Variants in ABCA13 observed in about 807,000 individuals in gnomAD.
ABCA13 encodes ATP binding cassette subfamily A member 13, also known as ATP-binding cassette sub-family A member 13.
A neutral mutation model predicts 478.7 loss-of-function variants in ABCA13; 476 were observed. The ratio of observed to expected loss-of-function variants is 0.99; its 90% confidence interval spans 0.92 to 1.07. The LOEUF (loss-of-function observed/expected upper bound fraction) is 1.07. Among genes scored for constraint, ABCA13 ranks in the 50% least tolerant of loss-of-function variants. The pLI is 0.00. For missense variants in ABCA13, 6,060 were observed against 5,910.6 expected, an observed-to-expected ratio of 1.03 and a Z score of -0.83; for synonymous variants, 2,252 against 2,158.9, an observed-to-expected ratio of 1.04 and a Z score of -1.20.
At position 48,271,968 on chromosome 7, in the gene ABCA13, C is replaced by T; in HGVS notation, c.2302C>T (p.Leu768=). Residue 768 remains leucine, a synonymous_variant, in exon 17 of 62, where the codon CTG becomes TTG. Transcript: ENST00000435803. ...CCTCCCATCTCTCACAGAGGATATTCTGAATATAAGTTCTCTGTGGACAAA... is the reference window on the plus strand; with the variant it reads ...CCTCCCATCTCTCACAGAGGATATTTTGAATATAAGTTCTCTGTGGACAAA... The part of the protein sequence containing the change: ...HSLPSLTEDI[L]NISSLWTNHL... 3 of 1,613,542 alleles carry T rather than the reference C, an allele frequency of 1.9e-6. 1 individual carries two copies. The South Asian group carries it at 3.3e-5, about 18-fold the overall frequency.
At chr7:48,257,882 A>G (rs1321731005) in intron 15 of ABCA13, among the ~76,000 whole-genome samples, 2 of 152,106 alleles carry the variant, frequency 1.3e-5, no homozygotes, top group Admixed American at 6.6e-5. Context: ...TAGGGATGGT[A>G]TCAGTTCTTC....
At chr7:48,356,876 C>T (rs1279469995) in intron 31 of ABCA13, among the ~76,000 whole-genome samples, 2 of 151,954 alleles carry the variant, frequency 1.3e-5, no homozygotes. Context: ...AAAGAATAAG[C>T]CAACTTAATA....
intron 38 of ABCA13, among the ~76,000 whole-genome samples, chr7:48,403,000 G>C (rs1324640280): frequency 6.6e-6 from 1 of 152,228 alleles, no homozygotes; most frequent in Non-Finnish European, 1.5e-5. Flanking sequence ...GGCCACAGTG[G>C]TGAGGGAAGT....
intron 5 of ABCA13, among the ~76,000 whole-genome samples, chr7:48,223,182 A>C (rs1787623812): frequency 6.6e-6 from 1 of 152,080 alleles, no homozygotes; most frequent in African/African-American, 2.4e-5. Flanking sequence ...GGTTTTTCTG[A>C]GGGGAGAGGA....
At chr7:48,235,569 A>T (rs544639523) in intron 8 of ABCA13, among the ~76,000 whole-genome samples, 1 of 152,230 alleles carries the variant, frequency 6.6e-6, no homozygotes, top group Non-Finnish European at 1.5e-5. Context: ...ATTTTCTTTT[A>T]TCATAGTGTT....
chr7:48,215,925 G>T (rs529495455), intron 3 of ABCA13, among the ~76,000 whole-genome samples: 3 of 152,112 alleles, frequency 2.0e-5, no homozygotes, highest in African/African-American at 7.2e-5. Context: ...CATTCATGTT[G>T]TAGCATCTAA....
intron 10 of ABCA13, among the ~76,000 whole-genome samples, chr7:48,242,499 G>A (rs1402253932): frequency 5.9e-5 from 9 of 151,956 alleles, no homozygotes; most frequent in East Asian, 1.9e-4. Flanking sequence ...GTGCAATGGC[G>A]CGATCTTGGC....
chr7:48,389,509 A>G (rs1050239055), intron 37 of ABCA13, among the ~76,000 whole-genome samples: 1 of 152,198 alleles, frequency 6.6e-6, no homozygotes, highest in Non-Finnish European at 1.5e-5. Context: ...ATAATTTACC[A>G]TGTTGTACTT....
In ABCA13 at chr7:48,481,055, C is replaced by A; in HGVS notation, c.12995C>A (p.Ala4332Asp). 1.3e-6 allele frequency: 2 copies of A among 1,597,456 alleles called. No homozygotes were observed. Among genetic ancestry groups the A allele is most frequent in the South Asian group, 1.1e-5 (1 of 87,472 alleles). The change falls in exon 46 of 62, where the codon GCT becomes GAT. Residue 4332 changes from alanine to aspartate, a missense_variant. Physicochemically the swap from Ala to Asp is moderately radical, Grantham distance 126. This residue lies in a region of ABCA13 where 1,627 missense variants were observed against 1,571.0 expected (regional missense o/e 1.04). Transcript: ENST00000435803. ...CGCLKCPNRS[A>D]SAPYLTNHLG... ...TTTCAGAAGTGTCCAAATAGAAGTGCTAGTGCTCCCTACCTGACCAACCAC... is the reference window on the plus strand; with the variant it reads ...TTTCAGAAGTGTCCAAATAGAAGTGATAGTGCTCCCTACCTGACCAACCAC...
intron 58 of ABCA13, among the ~76,000 whole-genome samples, chr7:48,609,811 G>T (rs1791843026): frequency 6.6e-6 from 1 of 152,140 alleles, no homozygotes; most frequent in Non-Finnish European, 1.5e-5. Flanking sequence ...CTACACATTT[G>T]TTAACAACCA....
intron 55 of ABCA13, among the ~76,000 whole-genome samples, chr7:48,567,749 C>T (rs933157698): frequency 6.6e-5 from 10 of 151,686 alleles, no homozygotes; most frequent in African/African-American, 2.4e-4. Flanking sequence ...CAAAGATAAA[C>T]ACTGTTCTGG....
intron 55 of ABCA13, among the ~76,000 whole-genome samples, chr7:48,574,928 A>G (rs1037090385): frequency 6.6e-6 from 1 of 152,158 alleles, no homozygotes; most frequent in African/African-American, 2.4e-5. Flanking sequence ...TTTAGCATCA[A>G]TTTTGATAAT....
rs549349118 is a variant in ABCA13 at position 48,499,679 on chromosome 7, A to T, written c.13292-6657A>T. Among the ~76,000 whole-genome samples the T allele has an allele frequency of 5.9e-5, 9 of 152,318 alleles. 1 individual carries two copies. The South Asian group carries it at 1.9e-3, about 32-fold the overall frequency. On this transcript the variant is annotated intron_variant, in intron 48 of 61. Coordinates refer to ENST00000435803, the MANE Select transcript of ABCA13 (RefSeq NM_152701.5). Reference sequence around the variant, plus strand: ...ATGATAATAACAATCAAACAAAGAAAAATTATTCAAATGTACTCAACATGT... The same window carrying T: ...ATGATAATAACAATCAAACAAAGAATAATTATTCAAATGTACTCAACATGT...
At chr7:48,299,526 A>G (rs191119838) in intron 23 of ABCA13, among the ~76,000 whole-genome samples, 3 of 152,256 alleles carry the variant, frequency 2.0e-5, no homozygotes, top group East Asian at 3.9e-4. Context: ...TCTCTTCCCT[A>G]CCTCGCATGA....
intron 20 of ABCA13, among the ~76,000 whole-genome samples, chr7:48,294,798 C>T (rs1374262410): frequency 1.3e-5 from 2 of 152,188 alleles, no homozygotes; most frequent in South Asian, 2.1e-4. Flanking sequence ...TAAATGAGAT[C>T]CTGTAATAGT....
intron 27 of ABCA13, among the ~76,000 whole-genome samples, chr7:48,323,226 T>C (rs1803770277): frequency 1.3e-5 from 2 of 152,344 alleles, no homozygotes; most frequent in South Asian, 2.1e-4. Flanking sequence ...TGCTGTAATA[T>C]AAGCTTCATG....
At chr7:48,574,140 A>G (rs1787939164) in intron 55 of ABCA13, among the ~76,000 whole-genome samples, 1 of 152,160 alleles carries the variant, frequency 6.6e-6, no homozygotes, top group Non-Finnish European at 1.5e-5. Flanking sequence ...TGGATGGGAC[A>G]CGATTCAACC....
intron 38 of ABCA13, among the ~76,000 whole-genome samples, chr7:48,398,906 G>A (rs1817220717): frequency 6.6e-6 from 1 of 152,170 alleles, no homozygotes; most frequent in African/African-American, 2.4e-5. Context: ...TAGCAAAGGT[G>A]GAAGACAAGG....
intron 26 of ABCA13, among the ~76,000 whole-genome samples, chr7:48,315,143 A>G (rs777585012): frequency 1.2e-4 from 19 of 152,210 alleles, no homozygotes; most frequent in Non-Finnish European, 2.4e-4. Flanking sequence ...CACCTGGCTC[A>G]TAAGCTTATT....
Sources: gnomAD v4.1 joint callset for allele counts (sites outside exome capture counted in the v4.1 genomes callset) on GRCh38, gnomAD v4.1.1 for gene constraint, gnomAD v4.1.1 regional missense constraint, MANE v1.5 for transcripts, NCBI Gene and HGNC (gene_info 2026-07-23, HGNC 2026-07-21) for gene names.